The following CPQ variants were observed in gnomAD, a reference collection of about 807,000 sequenced individuals.
CPQ encodes Ser-Met dipeptidase.
In CPQ, 37 loss-of-function variants were observed where a neutral mutation model predicts 45.7. The ratio of observed to expected loss-of-function variants is 0.81; its 90% confidence interval spans 0.62 to 1.07. The LOEUF (loss-of-function observed/expected upper bound fraction) is 1.07, where lower values mean the gene tolerates loss of function less well. CPQ is among the 50% of genes least tolerant of loss of function. CPQ has a pLI of 0.00. For synonymous variants in CPQ, 186 were observed against 205.8 expected (o/e 0.90, Z 0.82); for missense variants, 537 against 572.9 (o/e 0.94, Z 0.64).
chr8:96,895,617 A>G (rs1812433179), intron 4 of CPQ, among the ~76,000 whole-genome samples: 1 of 152,124 alleles, frequency 6.6e-6, no homozygotes, highest in Non-Finnish European at 1.5e-5. Context: ...GGTAATTTTA[A>G]ATGATAATCA....
chr8:96,767,878 A>G (rs1042558239), intron 1 of CPQ, among the ~76,000 whole-genome samples: 2 of 151,912 alleles, frequency 1.3e-5, no homozygotes, highest in African/African-American at 4.8e-5. Context: ...CCCTAACCTC[A>G]GATGATCCAC....
chr8:97,015,083 C>G (rs574826238), intron 5 of CPQ, among the ~76,000 whole-genome samples: 20 of 152,130 alleles, frequency 1.3e-4, no homozygotes, highest in African/African-American at 4.8e-4. Flanking sequence ...TTTAAAAAAC[C>G]ATTTTGGTAA....
At chr8:97,077,868 CTTCT>C (rs1810875188) in intron 7 of CPQ, among the ~76,000 whole-genome samples, 1 of 152,062 alleles carries the variant, frequency 6.6e-6, no homozygotes, top group African/African-American at 2.4e-5. Context: ...CATGTAATTC[CTTCT>C]TTATTAATTT....
chr8:96,822,517 G>T (rs112199356), intron 2 of CPQ, among the ~76,000 whole-genome samples: 23 of 151,746 alleles, frequency 1.5e-4, no homozygotes, highest in African/African-American at 5.3e-4. Context: ...TTTCATAATG[G>T]CATTCTCAAT....
intron 4 of CPQ, among the ~76,000 whole-genome samples, chr8:96,942,581 A>T (rs758989811): frequency 1.3e-5 from 2 of 152,196 alleles, no homozygotes; most frequent in Non-Finnish European, 2.9e-5. Flanking sequence ...TCCATCACCA[A>T]CAACATAGGT....
intron 7 of CPQ, among the ~76,000 whole-genome samples, chr8:97,091,321 T>C (rs964561785): frequency 2.1e-4 from 32 of 152,222 alleles, no homozygotes; most frequent in African/African-American, 7.7e-4. Flanking sequence ...TTGTTTTTTC[T>C]GGGCTTAAAT....
intron 7 of CPQ, among the ~76,000 whole-genome samples, chr8:97,076,844 A>G (rs1193447845): frequency 6.6e-6 from 1 of 152,110 alleles, no homozygotes; most frequent in African/African-American, 2.4e-5. Flanking sequence ...CAGGGAGTTT[A>G]GGGGTGCTGA....
At chr8:97,031,082 G>A (rs572349412) in intron 6 of CPQ, among the ~76,000 whole-genome samples, 25 of 152,038 alleles carry the variant, frequency 1.6e-4, no homozygotes, top group East Asian at 5.8e-4. Context: ...TTAGACGTGC[G>A]GACTTTATCC....
chr8:97,143,047 A>C lies in CPQ; in HGVS notation c.1283A>C (p.Lys428Thr). The change falls in exon 8 of 8, where the codon AAG (lysine) becomes ACG (threonine). Residue 428 changes from lysine (K) to threonine (T), a missense_variant. Lys to Thr is a moderately conservative substitution (Grantham distance 78). Transcript: ENST00000220763. Reference protein sequence around the residue: ...PGASLLDDLYKYFFFHHSHGD... With the variant: ...PGASLLDDLYTYFFFHHSHGD... ...GCCAGTCTACTTGATGACTTATACA[A>C]GTATTTCTTCTTCCATCACTCCCAC... The C allele has an allele frequency of 6.2e-7, 1 of 1,613,972 alleles. No homozygotes were observed. The highest frequency in any genetic ancestry group is 8.5e-7 in the Non-Finnish European group (1 of 1,179,890).
chr8:96,929,904 T>C (rs907282059), intron 4 of CPQ, among the ~76,000 whole-genome samples: 15 of 152,170 alleles, frequency 9.9e-5, no homozygotes, highest in Non-Finnish European at 2.2e-4. Flanking sequence ...GCATTTTCTG[T>C]GTACTAAGAA....
intron 1 of CPQ, among the ~76,000 whole-genome samples, chr8:96,724,635 G>A (rs1275678983): frequency 6.6e-6 from 1 of 152,074 alleles, no homozygotes; most frequent in African/African-American, 2.4e-5. Context: ...AGCATTCCAT[G>A]CTCATGAATT....
intron 1 of CPQ, among the ~76,000 whole-genome samples, chr8:96,659,690 A>C (rs1815676839): frequency 6.6e-6 from 1 of 152,174 alleles, no homozygotes; most frequent in African/African-American, 2.4e-5. Flanking sequence ...TCTCAATCCA[A>C]GGGATAGTAG....
chr8:96,739,355 A>T, intron 1 of CPQ, among the ~76,000 whole-genome samples: 1 of 116,750 alleles, frequency 8.6e-6, no homozygotes, highest in African/African-American at 3.3e-5. Context: ...TAGATTCTGG[A>T]TATTAGCCCT....
At chr8:96,848,476 T>C (rs925756593) in intron 3 of CPQ, among the ~76,000 whole-genome samples, 5 of 152,250 alleles carry the variant, frequency 3.3e-5, no homozygotes, top group African/African-American at 1.2e-4. Context: ...CAAGCTGCTG[T>C]ACTTTGTCTG....
At chr8:97,057,115 T>C (rs936559833) in intron 6 of CPQ, among the ~76,000 whole-genome samples, 1 of 152,180 alleles carries the variant, frequency 6.6e-6, no homozygotes, top group Non-Finnish European at 1.5e-5. Context: ...GAAAGGAGGC[T>C]CTGTTAATTA....
intron 1 of CPQ, among the ~76,000 whole-genome samples, chr8:96,749,659 A>C (rs1563487538): frequency 1.3e-5 from 2 of 152,324 alleles, no homozygotes; most frequent in Admixed American, 1.3e-4. Flanking sequence ...GAATTTGAGA[A>C]TAAGCGAAAT....
intron 1 of CPQ, among the ~76,000 whole-genome samples, chr8:96,686,596 G>T (rs114196449): frequency 6.6e-6 from 1 of 151,766 alleles, no homozygotes; most frequent in African/African-American, 2.4e-5. Context: ...GATTCTATTT[G>T]CAAATACTCA....
At chr8:96,960,174 C>G (rs969108871) in intron 4 of CPQ, among the ~76,000 whole-genome samples, 1 of 151,972 alleles carries the variant, frequency 6.6e-6, no homozygotes, top group Non-Finnish European at 1.5e-5. Context: ...TTACCAAGGG[C>G]CTTTGAAGAT....
At chr8:96,752,994 C>T (rs1437341908) in intron 1 of CPQ, among the ~76,000 whole-genome samples, 1 of 152,082 alleles carries the variant, frequency 6.6e-6, no homozygotes, top group African/African-American at 2.4e-5. Flanking sequence ...AATTCTTCCT[C>T]TCTAAAATGT....
Sources: gnomAD v4.1 joint callset for allele counts (sites outside exome capture counted in the v4.1 genomes callset) on GRCh38, gnomAD v4.1.1 for gene constraint, MANE v1.5 for transcripts, NCBI Gene and HGNC (gene_info 2026-07-23, HGNC 2026-07-21) for gene names.